Variants in OPRD1 observed in about 807,000 individuals in gnomAD.
The protein encoded by OPRD1 is delta-type opioid receptor.
In OPRD1, 19 loss-of-function variants were observed where a neutral mutation model predicts 17.5. The observed-to-expected ratio is 1.09, with a 90% CI of 0.76 to 1.60. The LOEUF (loss-of-function observed/expected upper bound fraction) is 1.60. OPRD1 is among the 40% of genes most tolerant of loss of function. OPRD1 has a pLI of 0.00. For synonymous variants in OPRD1, 256 were observed against 240.9 expected, an observed-to-expected ratio of 1.06 and a Z score of -0.58; for missense variants, 483 against 547.2, an observed-to-expected ratio of 0.88 and a Z score of 1.17.
chr1:28,850,697 T>C (rs521809), intron 1 of OPRD1, among the ~76,000 whole-genome samples: 113,233 of 150,656 alleles, frequency 0.75, 43,219 homozygotes, highest in East Asian at 1. Context: ...GTGGGAGGAT[T>C]GATTGAGCCT....
Position 28,861,496 on chromosome 1 carries a change from G to A in OPRD1, c.578-1246G>A, listed in dbSNP as rs139068364. Among the ~76,000 whole-genome samples the A allele has an allele frequency of 1.3e-4, 20 of 152,296 alleles. No homozygotes were observed. The East Asian group carries it at 3.9e-3, about 29-fold the overall frequency. On this transcript the variant is annotated intron_variant, in intron 2 of 2. Transcript: ENST00000234961. The stretch of plus-strand genomic sequence containing the variant: ...GTCTCGCTCTGTCACCCAGGCTGGA[G>A]TGCAGCGGCACTATCCCAGCTTACT...
In OPRD1 at chr1:28,862,734, C is replaced by T. The variant is rs1230969239; in HGVS notation, c.578-8C>T. Reference sequence around the variant, plus strand: ...CCCCGTCTGTCTTTCCTTGTTTCCGCGGCCCAGACGGGGCAGTGGTGTGCA... The same window carrying T: ...CCCCGTCTGTCTTTCCTTGTTTCCGTGGCCCAGACGGGGCAGTGGTGTGCA... On this transcript the variant is annotated splice_polypyrimidine_tract_variant and splice_region_variant and intron_variant, in intron 2 of 2. Transcript: ENST00000234961. 1.9e-6 allele frequency: 3 copies of T among 1,579,526 alleles called. No individual in the cohort carries two copies. Among genetic ancestry groups the T allele is most frequent in the Non-Finnish European group, 2.6e-6 (3 of 1,161,912 alleles).
chr1:28,815,677 G>T (rs1282389261), intron 1 of OPRD1, among the ~76,000 whole-genome samples: 1 of 152,214 alleles, frequency 6.6e-6, no homozygotes, highest in African/African-American at 2.4e-5. Context: ...AGGGCTCCTC[G>T]AGCTGCGCTC....
chr1:28,813,976 G>A (rs995279118), intron 1 of OPRD1, among the ~76,000 whole-genome samples: 2 of 152,128 alleles, frequency 1.3e-5, no homozygotes, highest in South Asian at 2.1e-4. Flanking sequence ...TGGTGTGTTG[G>A]AGCATGGGAT....
chr1:28,864,172 G>A lies in OPRD1; in HGVS notation c.*889G>A, dbSNP rs2089153072. 6.6e-6 allele frequency: 1 copy of A among 152,372 alleles called. No individual in the cohort carries two copies. Among genetic ancestry groups the A allele is most frequent in the African/African-American group, 2.4e-5 (1 of 41,404 alleles). 9.4% of individuals were successfully genotyped at this position (152,372 alleles called of 1,614,324 possible). On this transcript the variant is annotated 3_prime_UTR_variant, in exon 3 of 3. Coordinates refer to ENST00000234961, the MANE Select transcript of OPRD1 (RefSeq NM_000911.4). ...AGGCCTAGCTCCTTGGAAGGTGAGA[G>A]GATCACTTGATCCCAGGAGTTTGAA...
intron 1 of OPRD1, among the ~76,000 whole-genome samples, chr1:28,848,988 G>A (rs67244013): frequency 0.17 from 25,111 of 152,100 alleles, 2,393 homozygotes; most frequent in Admixed American, 0.24. Flanking sequence ...CAACCAGATG[G>A]CTACCCTCCA....
intron 1 of OPRD1, among the ~76,000 whole-genome samples, chr1:28,848,753 A>G (rs1425130321): frequency 6.6e-6 from 1 of 152,200 alleles, no homozygotes; most frequent in Non-Finnish European, 1.5e-5. Flanking sequence ...TGAGTTCAAT[A>G]CCAGCTCTGC....
intron 1 of OPRD1, among the ~76,000 whole-genome samples, chr1:28,824,988 C>T (rs1351837220): frequency 3.3e-5 from 5 of 151,936 alleles, no homozygotes; most frequent in East Asian, 3.9e-4. Flanking sequence ...CCCACCACCG[C>T]GCCCGGCTAA....
intron 1 of OPRD1, among the ~76,000 whole-genome samples, chr1:28,856,570 G>A (rs575497732): frequency 1.1e-4 from 17 of 152,246 alleles, no homozygotes; most frequent in Admixed American, 3.3e-4. Context: ...TGAGAGCAGC[G>A]TCATATAGCC....
intron 2 of OPRD1, among the ~76,000 whole-genome samples, 200 bp from the exon 3 acceptor site, chr1:28,862,542 C>T (rs966482234): frequency 2.6e-5 from 4 of 152,228 alleles, no homozygotes; most frequent in Non-Finnish European, 5.9e-5. Context: ...GCCAATCCTG[C>T]TAGGTCTTTA....
At chr1:28,822,642 C>T (rs535877275) in intron 1 of OPRD1, among the ~76,000 whole-genome samples, 223 of 128,922 alleles carry the variant, frequency 1.7e-3, no homozygotes, top group African/African-American at 6.7e-3. Flanking sequence ...CCACCATGCC[C>T]GGTTAATTTT....
chr1:28,861,919 T>C (rs1382409535), intron 2 of OPRD1, among the ~76,000 whole-genome samples: 11 of 149,568 alleles, frequency 7.4e-5, no homozygotes, highest in African/African-American at 1.7e-4. Context: ...TTTTCTTTTT[T>C]TTTTTTTTTT....
Position 28,868,400 on chromosome 1 carries a change from C to T in OPRD1, c.*5117C>T, listed in dbSNP as rs964165700. 2.0e-5 allele frequency: 3 copies of T among 152,230 alleles called. No individual in the cohort carries two copies. The highest frequency in any genetic ancestry group is 7.2e-5 in the African/African-American group (3 of 41,444). The allele number at this position is 152,230 out of a possible 1,614,324, so 9.4% of individuals were successfully genotyped here. A position where few individuals can be genotyped will look rare whatever the true frequency, so the allele number is the denominator to read the frequency against. Reference sequence around the variant, plus strand: ...GCAAGTCACTTCACCTCCACGAGAGCACTCTCTGAAAGCTAGAGATATGGT... The same window carrying T: ...GCAAGTCACTTCACCTCCACGAGAGTACTCTCTGAAAGCTAGAGATATGGT... On this transcript the variant is annotated 3_prime_UTR_variant, in exon 3 of 3. Coordinates refer to ENST00000234961, the MANE Select transcript of OPRD1 (RefSeq NM_000911.4).
chr1:28,859,109 A>G lies in OPRD1; in HGVS notation c.383A>G (p.Asp128Gly). ...ELLCKAVLSI[D>G]YYNMFTSIFT... Reference sequence around the variant, plus strand: ...CTCTGCAAGGCTGTGCTCTCCATCGACTACTACAATATGTTCACCAGCATC... The same window carrying G: ...CTCTGCAAGGCTGTGCTCTCCATCGGCTACTACAATATGTTCACCAGCATC... The change falls in exon 2 of 3, where the codon GAC (aspartate) becomes GGC (glycine). Residue 128 changes from aspartate to glycine, a missense_variant. By Grantham distance (94) the Asp-to-Gly change is moderately conservative (BLOSUM62 -1). Transcript: ENST00000234961. 6.2e-7 allele frequency: 1 copy of G among 1,614,216 alleles called. No homozygotes were observed.
chr1:28,862,683 G>T (rs995801528), intron 2 of OPRD1, 59 bp from the exon 3 acceptor site: 2 of 1,507,192 alleles, frequency 1.3e-6, no homozygotes, highest in Non-Finnish European at 1.8e-6. Flanking sequence ...AGCAGGTGGG[G>T]GCCCCTTAGG....
intron 1 of OPRD1, among the ~76,000 whole-genome samples, chr1:28,815,158 C>T (rs2088663007): frequency 6.6e-6 from 1 of 152,140 alleles, no homozygotes; most frequent in Non-Finnish European, 1.5e-5. Context: ...CTCTCTGTTG[C>T]CCAGGCTGGA....
At chr1:28,847,267 G>T (rs1392356952) in intron 1 of OPRD1, among the ~76,000 whole-genome samples, 1 of 152,100 alleles carries the variant, frequency 6.6e-6, no homozygotes, top group South Asian at 2.1e-4. Flanking sequence ...GGCCAGGCTG[G>T]TCTTAAACTC....
intron 1 of OPRD1, among the ~76,000 whole-genome samples, chr1:28,833,590 A>G (rs2236859): frequency 0.4 from 61,180 of 152,042 alleles, 13,602 homozygotes; most frequent in African/African-American, 0.6. Flanking sequence ...GATGGCAGAT[A>G]CTAACCACAG....
chr1:28,862,698 C>T (rs1412817504), intron 2 of OPRD1, 44 bp from the exon 3 acceptor site: 1 of 1,533,770 alleles, frequency 6.5e-7, no homozygotes, highest in Admixed American at 2.0e-5. Flanking sequence ...CTTAGGCACA[C>T]AGGCCCCTCA....
Sources: allele counts gnomAD v4.1 joint callset (sites outside exome capture counted in the v4.1 genomes callset), GRCh38; gene constraint gnomAD v4.1.1; transcripts MANE v1.5; gene names NCBI Gene and HGNC (gene_info 2026-07-23, HGNC 2026-07-21).